Variants in PLCH2 observed in about 807,000 individuals in gnomAD.
PLCH2 encodes phospholipase C eta 2.
In PLCH2, 98 loss-of-function variants were observed where a neutral mutation model predicts 134.7. The ratio of observed to expected loss-of-function variants is 0.73; its 90% CI spans 0.62 to 0.86. PLCH2 has a LOEUF of 0.86. PLCH2 is among the 40% of genes least tolerant of loss of function. The pLI is 0.00. For missense variants in PLCH2, 1,994 were observed against 1,986.6 expected (o/e 1.00, Z -0.07); for synonymous variants, 974 against 827.5 (o/e 1.18, Z -3.04).
At chr1:2,461,446 A>C (rs1480770159) in intron 2 of PLCH2, among the ~76,000 whole-genome samples, 1 of 152,166 alleles carries the variant, frequency 6.6e-6, no homozygotes. Context: ...AGCTCGGTCC[A>C]TGTGGGACCT....
At chr1:2,449,291 G>C (rs1640088049) in intron 2 of PLCH2, among the ~76,000 whole-genome samples, 1 of 152,178 alleles carries the variant, frequency 6.6e-6, no homozygotes, top group Non-Finnish European at 1.5e-5. Flanking sequence ...AGGAGTTCGA[G>C]ACCAGCCTGG....
intron 15 of PLCH2, 114 bp downstream of exon 15, chr1:2,497,124 T>C: frequency 1.9e-6 from 2 of 1,070,642 alleles, no homozygotes; most frequent in Non-Finnish European, 2.7e-6. Context: ...TCCTGGGCTC[T>C]ATTGCCCTTG....
chr1:2,476,025 C>T (rs1357551514), upstream of PLCH2, among the ~76,000 whole-genome samples: 2 of 152,238 alleles, frequency 1.3e-5, no homozygotes, highest in African/African-American at 2.4e-5. Flanking sequence ...GCGGGGAGGC[C>T]CACCCCACAC....
intron 1 of PLCH2, among the ~76,000 whole-genome samples, chr1:2,429,895 C>T (rs528861632): frequency 6.6e-6 from 1 of 152,168 alleles, no homozygotes; most frequent in Non-Finnish European, 1.5e-5. Context: ...TCAGAGACAC[C>T]CCAGGCACCT....
chr1:2,487,291 C>G lies in PLCH2; in HGVS notation c.1029C>G (p.Thr343=), dbSNP rs918930792. The change falls in exon 7 of 22, where the codon ACC becomes ACG. Residue 343 remains threonine, a synonymous_variant. Coordinates refer to ENST00000378486, the MANE Select transcript of PLCH2 (RefSeq NM_014638.4). ...ACTTCATCACCTCGTCCCACAACAC[C>G]TACCTCGTGGGTGACCAGCTCATGT... ...SHYFITSSHN[T]YLVGDQLMSQ... is the part of the protein sequence containing the mutation. The G allele has an allele frequency of 1.2e-6, 2 of 1,613,864 alleles. No homozygotes were observed. Among genetic ancestry groups the G allele is most frequent in the South Asian group, 1.1e-5 (1 of 91,062 alleles).
chr1:2,416,911 C>G, the PLCH2 span, among the ~76,000 whole-genome samples: 1 of 152,106 alleles, frequency 6.6e-6, no homozygotes, highest in African/African-American at 2.4e-5. Context: ...GTGGGTCTGA[C>G]AGCAGAGCCA....
intron 2 of PLCH2, among the ~76,000 whole-genome samples, chr1:2,460,100 G>T (rs1640741541): frequency 6.6e-6 from 1 of 152,262 alleles, no homozygotes; most frequent in African/African-American, 2.4e-5. Context: ...CTGCCCTCCG[G>T]TTCCTCCCCT....
intron 2 of PLCH2, among the ~76,000 whole-genome samples, chr1:2,437,208 G>A (rs1639464104): frequency 6.6e-6 from 1 of 152,206 alleles, no homozygotes; most frequent in Non-Finnish European, 1.5e-5. Context: ...GAGCAGGCTT[G>A]GGTTATGGCC....
Position 2,505,034 on chromosome 1 carries a change from G to C in PLCH2, c.4072G>C (p.Glu1358Gln), listed in dbSNP as rs542478286. 95 of 1,544,196 alleles carry C rather than the reference G, an allele frequency of 6.2e-5. 1 individual carries two copies. In the East Asian group the frequency reaches 2.2e-3, roughly 35 times the overall value. ...TGCCAGCCGGGCCCGCCAGGCCCAGGAGCGGCAGCAGAGACTGCAGGGCCT... is the reference window on the plus strand; with the variant it reads ...TGCCAGCCGGGCCCGCCAGGCCCAGCAGCGGCAGCAGAGACTGCAGGGCCT... ...AIASRARQAQ[E>Q]RQQRLQGLGR... Residue 1358 changes from glutamate to glutamine, a missense_variant, in exon 22 of 22, where the codon GAG (glutamate) becomes CAG (glutamine). Glu to Gln is a conservative substitution (Grantham distance 29). This residue lies in a region of PLCH2 where 900 missense variants were observed against 752.3 expected (regional missense o/e 1.20). Coordinates refer to ENST00000378486, the MANE Select transcript of PLCH2 (RefSeq NM_014638.4).
chr1:2,446,313 A>G (rs1639940070), intron 2 of PLCH2, among the ~76,000 whole-genome samples: 1 of 151,726 alleles, frequency 6.6e-6, no homozygotes, highest in African/African-American at 2.4e-5. Context: ...TTCCATTGCC[A>G]CTCACCCCCC....
At chr1:2,447,352 G>A (rs959521355) in intron 2 of PLCH2, among the ~76,000 whole-genome samples, 4 of 152,132 alleles carry the variant, frequency 2.6e-5, no homozygotes, top group African/African-American at 9.7e-5. Context: ...CCTGTGTTCC[G>A]CACACACCTG....
chr1:2,475,062 C>A (rs890960809), upstream of PLCH2, among the ~76,000 whole-genome samples: 5 of 152,104 alleles, frequency 3.3e-5, no homozygotes, highest in East Asian at 9.6e-4. Flanking sequence ...GTGACGGGGC[C>A]CCTGGTGGGG....
chr1:2,431,356 C>G (rs1456307689), intron 2 of PLCH2, among the ~76,000 whole-genome samples: 1 of 152,146 alleles, frequency 6.6e-6, no homozygotes, highest in Non-Finnish European at 1.5e-5. Context: ...TGCTCATGCT[C>G]TGTGCATGCC....
At chr1:2,418,295 C>T in the PLCH2 span, among the ~76,000 whole-genome samples, 6 of 152,348 alleles carry the variant, frequency 3.9e-5, no homozygotes, top group African/African-American at 7.2e-5. Context: ...TTCCTCTGGG[C>T]GCCTTCAGTT....
chr1:2,431,270 G>A (rs796989319), intron 2 of PLCH2, among the ~76,000 whole-genome samples: 19 of 152,164 alleles, frequency 1.2e-4, no homozygotes, highest in African/African-American at 2.4e-4. Context: ...GCGTGTGTGC[G>A]TGTGTCTGCC....
rs183507661 is a variant in PLCH2 at position 2,433,890 on chromosome 1, A to G, written c.115+3261A>G. Among the ~76,000 whole-genome samples the G allele has an allele frequency of 4.0e-3, 612 of 152,124 alleles. 2 individuals are homozygous for G. Among genetic ancestry groups the G allele is most frequent in the African/African-American group, 0.014 (574 of 41,496 alleles). On this transcript the variant is annotated intron_variant, in intron 2 of 3. Coordinates refer to the PLCH2 transcript ENST00000609981. ...GTGCCCACACTGGGGGTCCCGGGTGATGTTGGCCGTTTGGTCCCTTCAAAC... is the reference window on the plus strand; with the variant it reads ...GTGCCCACACTGGGGGTCCCGGGTGGTGTTGGCCGTTTGGTCCCTTCAAAC...
chr1:2,435,162 T>C (rs1430920935), intron 2 of PLCH2, among the ~76,000 whole-genome samples: 1 of 151,898 alleles, frequency 6.6e-6, no homozygotes, highest in East Asian at 1.9e-4. Flanking sequence ...GGAGTGGAGC[T>C]CACCAGGACG....
At chr1:2,468,486 C>CT (rs1331633537) in intron 1 of PLCH2, among the ~76,000 whole-genome samples, 1 of 102,100 alleles carries the variant, frequency 9.8e-6, no homozygotes, top group African/African-American at 7.9e-5. Context: ...GGGTCTACAG[C>CT]TCCCCAAACA....
At chr1:2,442,983 G>T (rs1639758921) in intron 2 of PLCH2, among the ~76,000 whole-genome samples, 1 of 152,244 alleles carries the variant, frequency 6.6e-6, no homozygotes, top group Admixed American at 6.5e-5. Flanking sequence ...TGGGCAGGGA[G>T]GGTCCCCAGG....
Sources: gnomAD v4.1 joint callset for allele counts (sites outside exome capture counted in the v4.1 genomes callset) on GRCh38, gnomAD v4.1.1 for gene constraint, gnomAD v4.1.1 regional missense constraint, MANE v1.5 for transcripts, NCBI Gene and HGNC (gene_info 2026-07-23, HGNC 2026-07-21) for gene names.